The following MTM1 variants were observed in gnomAD, a reference collection of about 807,000 sequenced individuals.
MTM1 encodes the protein myotubularin 1.
In MTM1, 9 loss-of-function variants were observed where a neutral mutation model predicts 52.1. The observed-to-expected ratio is 0.17, with a 90% CI of 0.10 to 0.30. The LOEUF (loss-of-function observed/expected upper bound fraction) is 0.30, where lower values mean the gene tolerates loss of function less well. MTM1 is among the 10% of genes least tolerant of loss of function. The pLI is 1.00. For synonymous variants in MTM1, 136 were observed against 163.8 expected (o/e 0.83, Z 1.29); for missense variants, 277 against 470.7 (o/e 0.59, Z 3.81).
intron 1 of MTM1, among the ~76,000 whole-genome samples, chrX:150,588,954 C>T (rs1463726539): frequency 8.9e-6 from 1 of 111,761 alleles, no homozygotes; most frequent in African/African-American, 3.3e-5. Context: ...TCCTTAATTG[C>T]CCAGTTCATT....
intron 9 of MTM1, among the ~76,000 whole-genome samples, chrX:150,649,110 GT>G (rs1476491199): frequency 1.8e-5 from 2 of 112,317 alleles, no homozygotes; most frequent in Non-Finnish European, 3.8e-5. Flanking sequence ...ATAGAGTGTG[GT>G]TCCTTTAATA....
chrX:150,583,353 A>ATAT (rs2038648140), intron 1 of MTM1, among the ~76,000 whole-genome samples: 1 of 38,401 alleles, frequency 2.6e-5, no homozygotes, highest in Non-Finnish European at 3.9e-5. Flanking sequence ...ATATAATTAT[A>ATAT]AATATATATA....
chrX:150,582,027 T>A (rs2038593996), intron 1 of MTM1, among the ~76,000 whole-genome samples: 1 of 112,125 alleles, frequency 8.9e-6, no homozygotes, highest in South Asian at 3.7e-4. Flanking sequence ...TAACCTTTTT[T>A]ATACATATTA....
At chrX:150,619,001 T>G in intron 5 of MTM1, 37 bp from the exon 6 acceptor site, 2 of 995,954 alleles carry the variant, frequency 2.0e-6, no homozygotes, top group Non-Finnish European at 2.9e-6. Flanking sequence ...TGACTTTCTT[T>G]GAAGACTGAA....
rs782490580 is a variant in MTM1, at chrX:150,599,285, C to T, written c.231+599C>T. On this transcript the variant is annotated intron_variant, in intron 4 of 14. Transcript: ENST00000370396. ...ATCCCTGACCATGAAAGGTTTGTCA[C>T]AGCATTTTGAGGAATGTTCCATCAC... Among the ~76,000 whole-genome samples the T allele has an allele frequency of 3.6e-5, 4 of 112,367 alleles. No homozygotes were observed. In the East Asian group the frequency reaches 1.1e-3, roughly 31 times the overall value.
chrX:150,594,185 C>T (rs1557412558), intron 2 of MTM1, among the ~76,000 whole-genome samples: 1 of 108,328 alleles, frequency 9.2e-6, no homozygotes, highest in African/African-American at 3.4e-5. Context: ...TCCTGGCTCA[C>T]TGCAACCTCT....
intron 5 of MTM1, 125 bp downstream of exon 5, chrX:150,614,824 G>A: frequency 2.2e-6 from 1 of 464,830 alleles, no homozygotes; most frequent in East Asian, 3.8e-5. Context: ...CCCTGGAAAT[G>A]GTTCTTCCCT....
At chrX:150,651,875 T>C (rs1242621007) in intron 10 of MTM1, among the ~76,000 whole-genome samples, 1 of 110,681 alleles carries the variant, frequency 9.0e-6, no homozygotes, top group Non-Finnish European at 1.9e-5. Context: ...GAAATGGACA[T>C]CAAAGGAGGA....
intron 2 of MTM1, among the ~76,000 whole-genome samples, chrX:150,595,173 T>G (rs1262367491): frequency 3.6e-5 from 4 of 111,980 alleles, no homozygotes; most frequent in African/African-American, 1.3e-4. Flanking sequence ...CTCTGATAAT[T>G]TACAGAAGTG....
At chrX:150,597,302 T>G (rs936052392) in intron 3 of MTM1, among the ~76,000 whole-genome samples, 1 of 112,106 alleles carries the variant, frequency 8.9e-6, no homozygotes, top group African/African-American at 3.2e-5. Context: ...CTCGTGCTAA[T>G]TAGATGGCGG....
intron 8 of MTM1, among the ~76,000 whole-genome samples, chrX:150,642,699 G>A (rs2039869010): frequency 9.0e-6 from 1 of 111,464 alleles, no homozygotes; most frequent in Admixed American, 9.5e-5. Context: ...AAGGACAACT[G>A]GGCTAGGGTA....
chrX:150,576,559 A>G (rs1437898248), intron 1 of MTM1, among the ~76,000 whole-genome samples: 4 of 111,813 alleles, frequency 3.6e-5, no homozygotes, highest in Non-Finnish European at 7.5e-5. Flanking sequence ...TAAAAACTTT[A>G]TATGATTTTG....
chrX:150,598,653 A>G lies in MTM1; in HGVS notation c.198A>G (p.Thr66=), dbSNP rs1557412669. 1 of 1,196,730 alleles carries G rather than the reference A, an allele frequency of 8.4e-7. No homozygotes were observed. Among genetic ancestry groups the G allele is most frequent in the Admixed American group, 2.2e-5 (1 of 45,965 alleles). Reference sequence around the variant, plus strand: ...CCATTAAGGGAAGAGTTTACATCACAAATTATCGTCTTTATTTAAGAAGTT... The same window carrying G: ...CCATTAAGGGAAGAGTTTACATCACGAATTATCGTCTTTATTTAAGAAGTT... The part of the protein sequence containing the change: ...NGPIKGRVYI[T]NYRLYLRSLE... The change falls in exon 4 of 15, where the codon ACA becomes ACG. Residue 66 remains threonine (T), a synonymous_variant. Coordinates refer to ENST00000370396, the MANE Select transcript of MTM1 (RefSeq NM_000252.3).
rs372128752 is a variant in MTM1 at position 150,581,318 on chromosome X, AC to A, written c.-10-11286del. 6.0e-3 allele frequency among the ~76,000 whole-genome samples: 671 copies of A among 112,206 alleles called. 5 individuals are homozygous for A. The highest frequency in any genetic ancestry group is 0.021 in the African/African-American group (644 of 30,881). ...GAATTTGTGTACACCATCAAAGGGG[AC>A]TACTTTGAAGAATAACTCAGCTATA... On this transcript the variant is annotated intron_variant, in intron 1 of 14. Transcript: ENST00000370396.
At chrX:150,588,895 G>A in intron 1 of MTM1, among the ~76,000 whole-genome samples, 1 of 111,779 alleles carries the variant, frequency 8.9e-6, no homozygotes, top group African/African-American at 3.3e-5. Flanking sequence ...TGAACTTGTG[G>A]CTTAAGTGAA....
At chrX:150,582,060 C>T (rs2038594749) in intron 1 of MTM1, among the ~76,000 whole-genome samples, 1 of 111,689 alleles carries the variant, frequency 9.0e-6, no homozygotes, top group Non-Finnish European at 1.9e-5. Context: ...GTTATCTAAA[C>T]ATTTGTTTGT....
intron 1 of MTM1, among the ~76,000 whole-genome samples, chrX:150,581,061 A>G (rs1435922623): frequency 2.7e-5 from 3 of 111,943 alleles, no homozygotes; most frequent in Non-Finnish European, 5.6e-5. Context: ...CTTTAAAAAA[A>G]TATCCTCGCA....
intron 6 of MTM1, among the ~76,000 whole-genome samples, chrX:150,638,620 TC>T (rs1256540042): frequency 8.9e-6 from 1 of 111,920 alleles, no homozygotes. Flanking sequence ...TTGTACCTGA[TC>T]AATTGCTAAT....
chrX:150,573,375 A>G (rs2038413638), intron 1 of MTM1, among the ~76,000 whole-genome samples: 1 of 112,591 alleles, frequency 8.9e-6, no homozygotes, highest in Non-Finnish European at 1.9e-5. Flanking sequence ...TTTGCTTGCT[A>G]GTATGTTTGG....
Sources: allele counts gnomAD v4.1 joint callset (sites outside exome capture counted in the v4.1 genomes callset), GRCh38; gene constraint gnomAD v4.1.1; transcripts MANE v1.5; gene names NCBI Gene and HGNC (gene_info 2026-07-23, HGNC 2026-07-21).